MEGF8: variants seen among roughly 807,000 people sequenced by gnomAD.
The protein encoded by MEGF8 is multiple EGF like domains 8.
A neutral mutation model predicts 302.9 loss-of-function variants in MEGF8; 156 were observed. The ratio of observed to expected loss-of-function variants is 0.52; its 90% CI spans 0.45 to 0.59. The LOEUF (loss-of-function observed/expected upper bound fraction) is 0.59. Among genes scored for constraint, MEGF8 ranks in the 20% least tolerant of loss-of-function variants. The pLI is 0.00. For missense variants in MEGF8, 3,345 were observed against 3,964.5 expected, an observed-to-expected ratio of 0.84 and a Z score of 4.20; for synonymous variants, 1,621 against 1,660.5, an observed-to-expected ratio of 0.98 and a Z score of 0.58.
In MEGF8 at chr19:42,375,507, T is replaced by C. The variant is rs1231919315; in HGVS notation, c.7270T>C (p.Cys2424Arg). ...TCACCGCCTCTAACCCTGCCCGCAG[T>C]GCGCCAAGTGCCGGGAATCATTTCA... The part of the protein sequence containing the change: ...SDRRDCYKYQ[C>R]AKCRESFHGS... The change falls in exon 42 of 42, where the codon TGC (cysteine) becomes CGC (arginine). Residue 2424 changes from cysteine (C) to arginine (R), a missense_variant and splice_region_variant. Cys to Arg is a radical substitution (Grantham distance 180). Coordinates refer to ENST00000251268, the MANE Select transcript of MEGF8 (RefSeq NM_001271938.2). This position sits in a 1 kb window ranked among gnomAD's most constrained non-coding sequence, Gnocchi z 7.1. 1 of 1,576,418 alleles carries C rather than the reference T, an allele frequency of 6.3e-7. No homozygotes were observed. Among genetic ancestry groups the C allele is most frequent in the East Asian group, 2.3e-5 (1 of 42,904 alleles).
At position 42,352,577 on chromosome 19, in the gene MEGF8, G is replaced by A. The variant is rs2039392264; in HGVS notation, c.3350+121G>A. 3 of 1,334,720 alleles carry A rather than the reference G, an allele frequency of 2.2e-6. No homozygotes were observed. Among genetic ancestry groups the A allele is most frequent in the Non-Finnish European group, 3.0e-6 (3 of 992,980 alleles). The allele number at this position is 1,334,720 out of a possible 1,614,324, so 82.7% of individuals were successfully genotyped here. A position where few individuals can be genotyped will look rare whatever the true frequency, so the allele number is the denominator to read the frequency against. On this transcript the variant is annotated intron_variant, in intron 19 of 41. Transcript: ENST00000251268. This position sits in a 1 kb window ranked among gnomAD's most constrained non-coding sequence, Gnocchi z 4.4. ...TGGAACCAGCATCCCCAGTTAGCCA[G>A]GGGTTTTTACCTTGCACACTAGGTC...
chr19:42,348,459 A>G lies in MEGF8; in HGVS notation c.2285A>G (p.Asp762Gly). The G allele has an allele frequency of 1.3e-6, 2 of 1,520,500 alleles. No individual in the cohort carries two copies. The allele number at this position is 1,520,500 out of a possible 1,614,324, so 94.2% of individuals were successfully genotyped here. A position where few individuals can be genotyped will look rare whatever the true frequency, so the allele number is the denominator to read the frequency against. The change falls in exon 13 of 42, where the codon GAC (aspartate) becomes GGC (glycine). Residue 762 changes from aspartate (D) to glycine (G), a missense_variant. By Grantham distance (94) the Asp-to-Gly change is moderately conservative. Coordinates refer to ENST00000251268, the MANE Select transcript of MEGF8 (RefSeq NM_001271938.2). ...CTGGCCCGGATGGCCCGTGGCCCTG[A>G]CACGGAGAACATGGTGAGGCCGCCT... Reference protein sequence around the residue: ...HVLARMARGPDTENMEEVGRW... With the variant: ...HVLARMARGPGTENMEEVGRW...
chr19:42,347,556 A>C (rs993178661), intron 12 of MEGF8, among the ~76,000 whole-genome samples: 3 of 151,412 alleles, frequency 2.0e-5, no homozygotes, highest in African/African-American at 7.3e-5. Flanking sequence ...GCAATGGCGC[A>C]ATCTCGGCTC....
Position 42,376,395 on chromosome 19 carries a change from C to T in MEGF8, c.8158C>T (p.Leu2720Phe). The T allele has an allele frequency of 6.2e-7, 1 of 1,612,920 alleles. No homozygotes were observed. Among genetic ancestry groups the T allele is most frequent in the Non-Finnish European group, 8.5e-7 (1 of 1,179,728 alleles). ...GGCCTCCGCCTGGAAGCCGGCTGGG[C>T]TCCCACCTCCCGCCTTCCGCCGCTC... ...APASAWKPAG[L>F]PPPAFRRSEP... Residue 2720 changes from leucine (L) to phenylalanine (F), a missense_variant, in exon 42 of 42, where the codon CTC (leucine) becomes TTC (phenylalanine). Coordinates refer to ENST00000251268, the MANE Select transcript of MEGF8 (RefSeq NM_001271938.2). The surrounding 1 kb of genome is among the most constrained non-coding windows in gnomAD (Gnocchi z 8.2).
Position 42,371,472 on chromosome 19 carries a change from A to G in MEGF8, c.7259A>G (p.Tyr2420Cys). The change falls in exon 41 of 42, where the codon TAC becomes TGC. Residue 2420 changes from tyrosine to cysteine, a missense_variant. Transcript: ENST00000251268. ...TCCCCCAGTGACCGTCGAGACTGCT[A>G]CAAGTACCAGGTGCGGCTGCAGAAG... ...GSSPSDRRDCYKYQCAKCRES... is the reference protein window; with the variant it reads ...GSSPSDRRDCCKYQCAKCRES... The G allele has an allele frequency of 1.1e-5, 18 of 1,613,854 alleles. No individual in the cohort carries two copies. The highest frequency in any genetic ancestry group is 1.5e-5 in the Non-Finnish European group (18 of 1,179,864).
rs1161252837 is a variant in MEGF8, at chr19:42,354,595, A to G, written c.4019A>G (p.Tyr1340Cys). ...GATTCTGCACCCCTCTAGCTGAGCT[A>G]CGTCCTGGCGTTTGATGGATTCCCA... ...PDSSTPCTLS[Y>C]VLAFDGFPRF... Residue 1340 changes from tyrosine to cysteine, a missense_variant, in exon 23 of 42, where the codon TAC becomes TGC. Coordinates refer to ENST00000251268, the MANE Select transcript of MEGF8 (RefSeq NM_001271938.2). This position sits in a 1 kb window ranked among gnomAD's most constrained non-coding sequence, Gnocchi z 4.3. 1 of 1,612,256 alleles carries G rather than the reference A, an allele frequency of 6.2e-7. No individual in the cohort carries two copies. Among genetic ancestry groups the G allele is most frequent in the Non-Finnish European group, 8.5e-7 (1 of 1,179,096 alleles).
Position 42,348,438 on chromosome 19 carries a change from C to T in MEGF8, c.2264C>T (p.Ala755Val). 6.5e-7 allele frequency: 1 copy of T among 1,529,760 alleles called. No individual in the cohort carries two copies. Among genetic ancestry groups the T allele is most frequent in the Non-Finnish European group, 8.8e-7 (1 of 1,141,114 alleles). 94.8% of individuals were successfully genotyped at this position (1,529,760 alleles called of 1,614,324 possible). A position where few individuals can be genotyped will look rare whatever the true frequency, so the allele number is the denominator to read the frequency against. ...CGGGCCCAGCGCCTACACGTCCTGG[C>T]CCGGATGGCCCGTGGCCCTGACACG... ...WTRAQRLHVL[A>V]RMARGPDTEN... The change falls in exon 13 of 42, where the codon GCC becomes GTC. Residue 755 changes from alanine to valine, a missense_variant. Coordinates refer to ENST00000251268, the MANE Select transcript of MEGF8 (RefSeq NM_001271938.2).
At chr19:42,339,980 C>A (rs1208049231) in intron 8 of MEGF8, among the ~76,000 whole-genome samples, 1 of 152,094 alleles carries the variant, frequency 6.6e-6, no homozygotes, top group East Asian at 1.9e-4. Context: ...ATTGCTTGAA[C>A]CTGGGAGGCA....
In MEGF8 at chr19:42,368,651, G is replaced by A. The variant is rs2147506668; in HGVS notation, c.6470G>A (p.Gly2157Asp). 2 of 1,547,974 alleles carry A rather than the reference G, an allele frequency of 1.3e-6. No homozygotes were observed. Residue 2157 changes from glycine (G) to aspartate (D), a missense_variant, in exon 36 of 42, where the codon GGC (glycine) becomes GAC (aspartate). Coordinates refer to ENST00000251268, the MANE Select transcript of MEGF8 (RefSeq NM_001271938.2). The surrounding 1 kb of genome is among the most constrained non-coding windows in gnomAD (Gnocchi z 4.9). ...GGRCMEGGLS[G>D]PRDGLTCGRP... ...CGCTGCATGGAGGGTGGACTCAGCG[G>A]CCCCCGTGATGGTGAGAGGGCTTTG... is the stretch of plus-strand genomic sequence containing the variant.
At chr19:42,364,427 C>T (rs1489159587) in intron 35 of MEGF8, among the ~76,000 whole-genome samples, 1 of 152,188 alleles carries the variant, frequency 6.6e-6, no homozygotes, top group African/African-American at 2.4e-5. Context: ...CAAAACTGCT[C>T]ACCATCCGAC....
At chr19:42,340,029 A>G (rs993045295) in intron 8 of MEGF8, among the ~76,000 whole-genome samples, 6 of 152,112 alleles carry the variant, frequency 3.9e-5, no homozygotes, top group African/African-American at 1.4e-4. Context: ...CTGCACTCCC[A>G]CCTGGGCAAC....
intron 8 of MEGF8, among the ~76,000 whole-genome samples, chr19:42,339,712 G>T (rs1287243493): frequency 6.6e-6 from 1 of 152,158 alleles, no homozygotes; most frequent in African/African-American, 2.4e-5. Flanking sequence ...CAAGATCACA[G>T]TAGATAAGTG....
Position 42,362,169 on chromosome 19 carries a change from T to C in MEGF8, c.5800T>C (p.Cys1934Arg). ...ECRRLRTCSE[C>R]LARHPRTLQP... ...TCGACGTCTCCGGACCTGCAGTGAG[T>C]GCCTGGCCCGCCATCCTCGGACCCT... Residue 1934 changes from cysteine to arginine, a missense_variant, in exon 33 of 42, where the codon TGC (cysteine) becomes CGC (arginine). Transcript: ENST00000251268. 1 of 1,610,586 alleles carries C rather than the reference T, an allele frequency of 6.2e-7. No homozygotes were observed. Among genetic ancestry groups the C allele is most frequent in the Non-Finnish European group, 8.5e-7 (1 of 1,178,952 alleles).
rs772821463 is a variant in MEGF8 at position 42,360,976 on chromosome 19, G to C, written c.5690G>C (p.Gly1897Ala). ...TCTGGGGCCTGCACCTGGTGCCATG[G>C]GGCCTGCTTGTCCGGGGATCAGGCC... is the stretch of plus-strand genomic sequence containing the variant. ...NQSGACTWCH[G>A]ACLSGDQAHR... The change falls in exon 32 of 42, where the codon GGG becomes GCG. Residue 1897 changes from glycine (G) to alanine (A), a missense_variant. Gly to Ala is a moderately conservative substitution (Grantham distance 60). Transcript: ENST00000251268. 1 of 1,570,000 alleles carries C rather than the reference G, an allele frequency of 6.4e-7. No homozygotes were observed. Among genetic ancestry groups the C allele is most frequent in the Non-Finnish European group, 8.6e-7 (1 of 1,156,084 alleles).
Position 42,354,760 on chromosome 19 carries a change from C to A in MEGF8, c.4144+40C>A. On this transcript the variant is annotated intron_variant, in intron 23 of 41. Transcript: ENST00000251268. This position sits in a 1 kb window ranked among gnomAD's most constrained non-coding sequence, Gnocchi z 4.3. ...GGAAGTGGGACCTCTTAGTCCTGGG[C>A]TATGTATCCCTTGCCCCTGAACTCA... The A allele has an allele frequency of 6.4e-7, 1 of 1,563,618 alleles. No individual in the cohort carries two copies. The highest frequency in any genetic ancestry group is 8.7e-7 in the Non-Finnish European group (1 of 1,155,458).
In MEGF8 at chr19:42,336,666, C is replaced by G. The variant is rs2039132452; in HGVS notation, c.1245-141C>G. ...CAGAGATGACTCAGGGTCCTGCCCA[C>G]AGGGAACTTCTAGTTTGGAGGGGAC... On this transcript the variant is annotated intron_variant, in intron 6 of 41. Transcript: ENST00000251268. This position sits in a 1 kb window ranked among gnomAD's most constrained non-coding sequence, Gnocchi z 4.8. 5 of 1,285,576 alleles carry G rather than the reference C, an allele frequency of 3.9e-6. No homozygotes were observed. The highest frequency in any genetic ancestry group is 3.2e-5 in the South Asian group (2 of 62,448). The allele number at this position is 1,285,576 out of a possible 1,614,324, so 79.6% of individuals were successfully genotyped here. A position where few individuals can be genotyped will look rare whatever the true frequency, so the allele number is the denominator to read the frequency against.
In MEGF8 at chr19:42,368,962, G is replaced by A. The variant is rs1185927737; in HGVS notation, c.6601G>A (p.Gly2201Ser). The stretch of plus-strand genomic sequence containing the variant: ...GCAGAATTGCCACGACCAGCCCCAC[G>A]GCTATGAGTGCAGCTGCAAGACCGG... ...ETQNCHDQPH[G>S]YECSCKTGYT... The change falls in exon 37 of 42, where the codon GGC (glycine) becomes AGC (serine). Residue 2201 changes from glycine to serine, a missense_variant. Physicochemically the swap from Gly to Ser is moderately conservative, Grantham distance 56 (BLOSUM62 0). Coordinates refer to ENST00000251268, the MANE Select transcript of MEGF8 (RefSeq NM_001271938.2). The surrounding 1 kb of genome is among the most constrained non-coding windows in gnomAD (Gnocchi z 4.9). The A allele has an allele frequency of 1.2e-5, 19 of 1,613,778 alleles. No homozygotes were observed. Among genetic ancestry groups the A allele is most frequent in the Admixed American group, 1.7e-5 (1 of 60,006 alleles).
At position 42,373,553 on chromosome 19, in the gene MEGF8, A is replaced by C. The variant is rs2039722162; in HGVS notation, c.7270-1954A>C. Among the ~76,000 whole-genome samples the C allele has an allele frequency of 4.6e-5, 7 of 151,662 alleles. 1 individual carries two copies. In the South Asian group the frequency reaches 1.5e-3, roughly 32 times the overall value. ...GTAGCTGAGACTACAAGCATGTGCT[A>C]TCATACCTGGCTAATTTTTTTTTTA... On this transcript the variant is annotated intron_variant, in intron 41 of 41. Coordinates refer to ENST00000251268, the MANE Select transcript of MEGF8 (RefSeq NM_001271938.2).
chr19:42,360,567 A>G (rs1428732595), intron 31 of MEGF8, among the ~76,000 whole-genome samples: 2 of 149,344 alleles, frequency 1.3e-5, no homozygotes, highest in Non-Finnish European at 1.5e-5. Flanking sequence ...CTGGTCTTAA[A>G]CTCCTGGGCT....
Sources: gnomAD v4.1 joint callset for allele counts (sites outside exome capture counted in the v4.1 genomes callset) on GRCh38, gnomAD v4.1.1 for gene constraint, Gnocchi (gnomAD v3.1) non-coding constraint, MANE v1.5 for transcripts, NCBI Gene and HGNC (gene_info 2026-07-23, HGNC 2026-07-21) for gene names.